Variants in ADAMTS3 observed in about 807,000 individuals in gnomAD.
ADAMTS3 encodes the protein A disintegrin and metalloproteinase with thrombospondin motifs 3.
ADAMTS3 carries 73 observed loss-of-function variants against 129.0 expected under a neutral mutation model. The ratio of observed to expected loss-of-function variants is 0.57; its 90% CI spans 0.47 to 0.69. The LOEUF is 0.69. Ranked by LOEUF, ADAMTS3 falls within the 30% of genes least tolerant of loss-of-function variation. ADAMTS3 has a pLI of 0.00. For missense variants in ADAMTS3, 1,457 were observed against 1,514.5 expected, an observed-to-expected ratio of 0.96 and a Z score of 0.63; for synonymous variants, 477 against 510.8, an observed-to-expected ratio of 0.93 and a Z score of 0.89.
intron 3 of ADAMTS3, among the ~76,000 whole-genome samples, chr4:72,436,395 T>G (rs1481534773): frequency 5.9e-5 from 9 of 152,144 alleles, no homozygotes; most frequent in Non-Finnish European, 2.9e-5. Context: ...GGAACACTTT[T>G]ACACTGTTGG....
chr4:72,561,708 A>G (rs967844014), intron 2 of ADAMTS3, among the ~76,000 whole-genome samples: 3 of 152,214 alleles, frequency 2.0e-5, no homozygotes, highest in African/African-American at 4.8e-5. Context: ...CTGAGGAATC[A>G]TATATTTAAT....
chr4:72,415,545 A>C (rs975285447), intron 3 of ADAMTS3, among the ~76,000 whole-genome samples: 12 of 152,034 alleles, frequency 7.9e-5, no homozygotes, highest in African/African-American at 2.9e-4. Context: ...TTGAAGAACT[A>C]ACTCATATTT....
chr4:72,320,885 T>C lies in ADAMTS3; in HGVS notation c.946-15A>G. 6.8e-6 allele frequency: 11 copies of C among 1,611,668 alleles called. No homozygotes were observed. Among genetic ancestry groups the C allele is most frequent in the Non-Finnish European group, 9.3e-6 (11 of 1,179,160 alleles). ...AGGCTGATGGACTAAGTGAAAACAA[T>C]ATGTTAAAGACACACCTGACAATTT... is the stretch of plus-strand genomic sequence containing the variant. On this transcript the variant is annotated splice_polypyrimidine_tract_variant and intron_variant, in intron 6 of 21. Transcript: ENST00000286657.
chr4:72,559,444 G>T (rs1721847106), intron 2 of ADAMTS3, among the ~76,000 whole-genome samples: 1 of 151,670 alleles, frequency 6.6e-6, no homozygotes, highest in African/African-American at 2.4e-5. Context: ...ATACTACACT[G>T]AGATACAAAC....
At chr4:72,327,222 G>A (rs1452177034) in intron 5 of ADAMTS3, among the ~76,000 whole-genome samples, 6 of 152,014 alleles carry the variant, frequency 3.9e-5, no homozygotes, top group Non-Finnish European at 5.9e-5. Context: ...ATAATATAGA[G>A]AAAGAACTAA....
At chr4:72,431,864 A>G (rs1411595391) in intron 3 of ADAMTS3, among the ~76,000 whole-genome samples, 2 of 152,032 alleles carry the variant, frequency 1.3e-5, no homozygotes, top group African/African-American at 4.8e-5. Flanking sequence ...ACGAAAAAAT[A>G]GTAATAGTAG....
At chr4:72,528,214 T>TAAAAA (rs71821571) in intron 3 of ADAMTS3, among the ~76,000 whole-genome samples, 1 of 148,396 alleles carries the variant, frequency 6.7e-6, no homozygotes. Context: ...ATTCTCTCTT[T>TAAAAA]AAAAAAAAAA....
chr4:72,336,522 G>A (rs750807649), intron 5 of ADAMTS3, among the ~76,000 whole-genome samples: 1 of 152,140 alleles, frequency 6.6e-6, no homozygotes, highest in Non-Finnish European at 1.5e-5. Flanking sequence ...GGAGGAAAAG[G>A]AAAGAGCCTG....
chr4:72,335,309 C>T (rs1274121478), intron 5 of ADAMTS3, among the ~76,000 whole-genome samples: 2 of 152,032 alleles, frequency 1.3e-5, no homozygotes, highest in Non-Finnish European at 2.9e-5. Flanking sequence ...ATGGCAACAC[C>T]TACAGAATTT....
chr4:72,565,323 G>A (rs1721995777), intron 2 of ADAMTS3, among the ~76,000 whole-genome samples: 2 of 151,706 alleles, frequency 1.3e-5, no homozygotes, highest in African/African-American at 2.4e-5. Context: ...CAAATAACAC[G>A]TCCCCAGGTA....
chr4:72,484,732 G>A lies in ADAMTS3; in HGVS notation c.504+63746C>T, dbSNP rs572618509. 4.6e-5 allele frequency among the ~76,000 whole-genome samples: 7 copies of A among 152,340 alleles called. No homozygotes were observed. The East Asian group carries it at 1.2e-3, about 25-fold the overall frequency. ...TGGCGGAAGTGTGCAGAGTGGTGGT[G>A]AGGGTGGCTGCTATTGCAGCATATA... On this transcript the variant is annotated intron_variant, in intron 3 of 21. Transcript: ENST00000286657.
chr4:72,428,552 C>T (rs1459256121), intron 3 of ADAMTS3, among the ~76,000 whole-genome samples: 1 of 151,982 alleles, frequency 6.6e-6, no homozygotes, highest in African/African-American at 2.4e-5. Flanking sequence ...ATTAAATGCT[C>T]ATTTTTTTAT....
chr4:72,405,317 A>T (rs763026549), intron 4 of ADAMTS3, among the ~76,000 whole-genome samples: 30 of 152,258 alleles, frequency 2.0e-4, no homozygotes, highest in Admixed American at 1.2e-3. Flanking sequence ...ATGAATAGAT[A>T]AAGAAAATGT....
chr4:72,532,918 C>A (rs1721082831), intron 3 of ADAMTS3, among the ~76,000 whole-genome samples: 1 of 152,046 alleles, frequency 6.6e-6, no homozygotes, highest in South Asian at 2.1e-4. Context: ...TTGTTCTGGG[C>A]AAGTCAGTGA....
rs1719382033 is a variant in ADAMTS3, at chr4:72,315,902, T to C, written c.1555A>G (p.Lys519Glu). The change falls in exon 11 of 22, where the codon AAA (lysine) becomes GAA (glutamate). Residue 519 changes from lysine to glutamate, a missense_variant. By Grantham distance (56) the Lys-to-Glu change is moderately conservative. Transcript: ENST00000286657. ...GTCCCATCAAGTGGAGGTCCCTTTT[T>C]AGTCTTACAAAAGTAGGGATTATCA... Reference protein sequence around the residue: ...HPDNPYFCKTKKGPPLDGTEC... With the variant: ...HPDNPYFCKTEKGPPLDGTEC... 3.7e-6 allele frequency: 6 copies of C among 1,613,590 alleles called. No individual in the cohort carries two copies. Among genetic ancestry groups the C allele is most frequent in the Non-Finnish European group, 5.1e-6 (6 of 1,179,646 alleles).
chr4:72,290,378 GAGA>G (rs1219082373), intron 20 of ADAMTS3, among the ~76,000 whole-genome samples: 4 of 152,188 alleles, frequency 2.6e-5, no homozygotes, highest in African/African-American at 7.2e-5. Context: ...AGGTTTGGTG[GAGA>G]AGGAGAGATT....
intron 5 of ADAMTS3, among the ~76,000 whole-genome samples, chr4:72,327,670 C>T (rs1719731697): frequency 6.6e-6 from 1 of 152,152 alleles, no homozygotes; most frequent in South Asian, 2.1e-4. Flanking sequence ...TAGCTATACC[C>T]ATTTTGCTGT....
At chr4:72,481,319 C>T (rs1185706701) in intron 3 of ADAMTS3, among the ~76,000 whole-genome samples, 1 of 152,118 alleles carries the variant, frequency 6.6e-6, no homozygotes, top group Non-Finnish European at 1.5e-5. Context: ...TACAGGAATC[C>T]AGATTGTGTC....
chr4:72,489,438 TG>T (rs1719681200), intron 3 of ADAMTS3, among the ~76,000 whole-genome samples: 1 of 151,984 alleles, frequency 6.6e-6, no homozygotes, highest in South Asian at 2.1e-4. Context: ...AGCTCTGTCT[TG>T]CCCAGGACAT....
Sources: gnomAD v4.1 joint callset for allele counts (sites outside exome capture counted in the v4.1 genomes callset) on GRCh38, gnomAD v4.1.1 for gene constraint, MANE v1.5 for transcripts, NCBI Gene and HGNC (gene_info 2026-07-23, HGNC 2026-07-21) for gene names.